Variants in VPS13A observed in about 807,000 individuals in gnomAD.
The protein encoded by VPS13A is intermembrane lipid transfer protein VPS13A.
A neutral mutation model predicts 390.9 loss-of-function variants in VPS13A; 264 were observed. The ratio of observed to expected loss-of-function variants is 0.68; its 90% CI spans 0.61 to 0.75. VPS13A has a LOEUF of 0.75. Among genes scored for constraint, VPS13A ranks in the 30% least tolerant of loss-of-function variants. The pLI, the probability that VPS13A is intolerant of heterozygous loss-of-function variation, is 0.00. For synonymous variants in VPS13A, 1,231 were observed against 1,227.1 expected (o/e 1.00, Z -0.07); for missense variants, 3,409 against 3,733.9 (o/e 0.91, Z 2.27).
chr9:77,355,790 A>G (rs1002940002), intron 54 of VPS13A, among the ~76,000 whole-genome samples: 6 of 152,198 alleles, frequency 3.9e-5, no homozygotes, highest in African/African-American at 9.6e-5. Flanking sequence ...TAATTCATCA[A>G]GAAGATCTGT....
At chr9:77,307,843 T>G in intron 34 of VPS13A, 102 bp from the exon 35 acceptor site, 1 of 952,330 alleles carries the variant, frequency 1.1e-6, no homozygotes, top group Non-Finnish European at 1.6e-6. Context: ...TGGTAGAGGA[T>G]TGAAACAGTC....
chr9:77,283,204 G>A (rs1827138995), intron 29 of VPS13A, 151 bp from the exon 30 acceptor site: 2 of 560,260 alleles, frequency 3.6e-6, no homozygotes, highest in Admixed American at 3.5e-5. Context: ...CAATTCAGTA[G>A]GGAATATCAT....
chr9:77,233,244 C>T (rs1416702527), intron 17 of VPS13A, among the ~76,000 whole-genome samples: 1 of 151,916 alleles, frequency 6.6e-6, no homozygotes, highest in Non-Finnish European at 1.5e-5. Flanking sequence ...TATGGTGTGT[C>T]ATAATGCCTC....
intron 59 of VPS13A, among the ~76,000 whole-genome samples, chr9:77,363,604 G>T (rs367568929): frequency 6.9e-6 from 1 of 145,538 alleles, no homozygotes; most frequent in African/African-American, 2.6e-5. Flanking sequence ...TAGAGACAGG[G>T]TTTCACCATG....
intron 1 of VPS13A, among the ~76,000 whole-genome samples, chr9:77,181,152 T>G (rs1321798122): frequency 1.3e-5 from 2 of 152,226 alleles, no homozygotes; most frequent in Admixed American, 1.3e-4. Flanking sequence ...TTTTAAAATA[T>G]TCTTTGAGAA....
At chr9:77,369,172 T>G in intron 62 of VPS13A, 127 bp from the exon 63 acceptor site, 1 of 709,156 alleles carries the variant, frequency 1.4e-6, no homozygotes, top group Non-Finnish European at 2.5e-6. Flanking sequence ...TAAAATGAGA[T>G]GGTTTAGGAG....
At position 77,357,736 on chromosome 9, in the gene VPS13A, G is replaced by T. The variant is rs753711996; in HGVS notation, c.7851G>T (p.Pro2617=). ...GTCATAACATGAAAATTCTGCAGCCGCATGTAATAGCTCTACGAAGAAATT... is the reference window on the plus strand; with the variant it reads ...GTCATAACATGAAAATTCTGCAGCCTCATGTAATAGCTCTACGAAGAAATT... ...PTGHNMKILQ[P]HVIALRRNYL... is the part of the protein sequence containing the mutation. Residue 2617 remains proline, a synonymous_variant, in exon 56 of 72, where the codon CCG becomes CCT. Coordinates refer to ENST00000360280, the MANE Select transcript of VPS13A (RefSeq NM_033305.3). 7 of 1,613,838 alleles carry T rather than the reference G, an allele frequency of 4.3e-6. No individual in the cohort carries two copies. The highest frequency in any genetic ancestry group is 2.2e-5 in the East Asian group (1 of 44,842).
At chr9:77,191,269 CTTTCT>C (rs1046467757) in intron 1 of VPS13A, among the ~76,000 whole-genome samples, 2 of 149,706 alleles carry the variant, frequency 1.3e-5, no homozygotes, top group Non-Finnish European at 3.0e-5. Context: ...CAAATAATTC[CTTTCT>C]TTTCTTTTCT....
Position 77,421,290 on chromosome 9 carries a change from C to T in VPS13A, c.*5284C>T, listed in dbSNP as rs1835331393. 3 of 152,230 alleles carry T rather than the reference C, an allele frequency of 2.0e-5. No individual in the cohort carries two copies. The highest frequency in any genetic ancestry group is 2.0e-4 in the Admixed American group (3 of 15,278). The allele number at this position is 152,230 out of a possible 1,614,324, so 9.4% of individuals were successfully genotyped here. A position where few individuals can be genotyped will look rare whatever the true frequency, so the allele number is the denominator to read the frequency against. On this transcript the variant is annotated 3_prime_UTR_variant, in exon 72 of 72. Transcript: ENST00000360280. The stretch of plus-strand genomic sequence containing the variant: ...GTGCTTGGCTCAGTTGCCTGTTACA[C>T]AGCCTCTGCCTTGGTTTTGTGTATT...
At chr9:77,231,259 A>G (rs1286582590) in intron 17 of VPS13A, among the ~76,000 whole-genome samples, 3 of 152,078 alleles carry the variant, frequency 2.0e-5, no homozygotes, top group South Asian at 4.1e-4. Context: ...AACCTCCAGT[A>G]GTATTTTAAA....
intron 23 of VPS13A, among the ~76,000 whole-genome samples, chr9:77,265,014 G>T (rs1825954510): frequency 6.6e-6 from 1 of 152,168 alleles, no homozygotes; most frequent in African/African-American, 2.4e-5. Flanking sequence ...GAAGGGTGTT[G>T]AATTTTATCG....
intron 19 of VPS13A, among the ~76,000 whole-genome samples, chr9:77,247,035 T>G (rs1250877229): frequency 6.6e-6 from 1 of 152,124 alleles, no homozygotes; most frequent in African/African-American, 2.4e-5. Flanking sequence ...TTAAAAATTT[T>G]TTTTGGAAGA....
At chr9:77,340,681 A>G in intron 50 of VPS13A, 131 bp downstream of exon 50, 1 of 1,152,322 alleles carries the variant, frequency 8.7e-7, no homozygotes, top group South Asian at 1.4e-5. Flanking sequence ...ATGAATCTTT[A>G]TTGAATATTT....
At chr9:77,245,443 C>G (rs1045627493) in intron 19 of VPS13A, among the ~76,000 whole-genome samples, 8 of 152,168 alleles carry the variant, frequency 5.3e-5, no homozygotes, top group African/African-American at 1.9e-4. Context: ...GTGTTTGAAT[C>G]CAAATCATTT....
At chr9:77,199,531 G>C (rs958460501) in intron 1 of VPS13A, among the ~76,000 whole-genome samples, 10 of 151,894 alleles carry the variant, frequency 6.6e-5, no homozygotes, top group Non-Finnish European at 1.0e-4. Context: ...GCTTTGAATT[G>C]GGAAGTTTTT....
chr9:77,329,839 T>G (rs1225081159), intron 45 of VPS13A, among the ~76,000 whole-genome samples: 1 of 152,244 alleles, frequency 6.6e-6, no homozygotes, highest in Non-Finnish European at 1.5e-5. Context: ...TTATTCAAAA[T>G]AAAATTTGCC....
chr9:77,207,253 A>ATATATATT (rs68085065), intron 5 of VPS13A, among the ~76,000 whole-genome samples: 1 of 91,602 alleles, frequency 1.1e-5, no homozygotes, highest in Non-Finnish European at 2.2e-5. Flanking sequence ...ATATATATAT[A>ATATATATT]AAACGTGTTA....
intron 69 of VPS13A, among the ~76,000 whole-genome samples, chr9:77,404,953 T>A (rs946272565): frequency 1.3e-5 from 2 of 151,990 alleles, no homozygotes; most frequent in Admixed American, 6.6e-5. Context: ...AAATCCTGGC[T>A]AGCTCTCTCC....
chr9:77,293,765 A>AT (rs1491180248), intron 32 of VPS13A, among the ~76,000 whole-genome samples: 1 of 152,004 alleles, frequency 6.6e-6, no homozygotes, highest in Non-Finnish European at 1.5e-5. Context: ...TATATCATAA[A>AT]TATGTTATAT....
Sources: gnomAD v4.1 joint callset for allele counts (sites outside exome capture counted in the v4.1 genomes callset) on GRCh38, gnomAD v4.1.1 for gene constraint, MANE v1.5 for transcripts, NCBI Gene and HGNC (gene_info 2026-07-23, HGNC 2026-07-21) for gene names.